The following TNS1 variants were observed in gnomAD, a reference collection of about 807,000 sequenced individuals.
TNS1 encodes tensin 1, also known as tensin-1.
In TNS1, 62 loss-of-function variants were observed where a neutral mutation model predicts 168.6. That is an observed-to-expected ratio of 0.37 (90% CI 0.30 to 0.45). The LOEUF (loss-of-function observed/expected upper bound fraction) is 0.45. Ranked by LOEUF, TNS1 falls within the 20% of genes least tolerant of loss-of-function variation. The probability of loss-of-function intolerance (pLI) is 1.00; values close to 1 mark genes in which losing one functional copy is unlikely to be tolerated. For synonymous variants in TNS1, 934 were observed against 933.2 expected (o/e 1.00, Z -0.02); for missense variants, 2,240 against 2,339.4 (o/e 0.96, Z 0.88).
At position 217,804,095 on chromosome 2, in the gene TNS1, A is replaced by C. The variant is rs937813692; in HGVS notation, c.*364T>G. 9 of 173,122 alleles carry C rather than the reference A, an allele frequency of 5.2e-5. No individual in the cohort carries two copies. The highest frequency in any genetic ancestry group is 5.1e-4 in the South Asian group (3 of 5,882). 10.7% of individuals were successfully genotyped at this position (173,122 alleles called of 1,614,324 possible). A position where few individuals can be genotyped will look rare whatever the true frequency, so the allele number is the denominator to read the frequency against. ...GGAGACAGAGCTTTTCCATTCCCCC[A>C]AAAAATGTGGATTCCCAAGGAGGTT... is the stretch of plus-strand genomic sequence containing the variant. On this transcript the variant is annotated 3_prime_UTR_variant, in exon 33 of 33. Transcript: ENST00000682258.
chr2:217,897,652 A>G, intron 8 of TNS1, 146 bp downstream of exon 8: 3 of 845,428 alleles, frequency 3.5e-6, no homozygotes, highest in Non-Finnish European at 5.4e-6. Flanking sequence ...CAGGCACGAG[A>G]GCTGCCTGAG....
rs34831382 is a variant in TNS1, at chr2:217,808,059, A to G, written c.5375+16T>C. On this transcript the variant is annotated intron_variant, in intron 32 of 32. Coordinates refer to ENST00000682258, the MANE Select transcript of TNS1 (RefSeq NM_001387777.1). ...AAAGGCCAGCCTGCTGGGCAGGGGT[A>G]AGAAGTCACACTTACTTAGCAGGGG... 0.088 allele frequency: 141,989 copies of G among 1,612,850 alleles called. 7,094 individuals carry two copies. The highest frequency in any genetic ancestry group is 0.16 in the Middle Eastern group (877 of 5,438).
intron 1 of TNS1, among the ~76,000 whole-genome samples, chr2:217,998,315 C>T (rs1958506247): frequency 6.6e-6 from 1 of 152,054 alleles, no homozygotes. Flanking sequence ...ATGCAGGCTG[C>T]CCACATTTCT....
intron 20 of TNS1, 73 bp downstream of exon 20, chr2:217,835,941 AC>A: frequency 7.4e-7 from 1 of 1,342,396 alleles, no homozygotes; most frequent in Non-Finnish European, 1.0e-6. Flanking sequence ...TGCCAAGTTG[AC>A]CATCAGGTTT....
upstream of TNS1, among the ~76,000 whole-genome samples, chr2:218,006,277 C>G (rs892965985): frequency 6.6e-6 from 1 of 152,206 alleles, no homozygotes; most frequent in African/African-American, 2.4e-5. Context: ...AGAGCCTGAG[C>G]CTGGCAGGCC....
intron 21 of TNS1, among the ~76,000 whole-genome samples, chr2:217,831,939 C>A (rs1944480842): frequency 7.9e-6 from 1 of 126,520 alleles, no homozygotes; most frequent in Admixed American, 7.8e-5. Context: ...CCTACCCTCA[C>A]CCAACACACA....
chr2:217,836,382 C>T (rs748226191), intron 19 of TNS1, among the ~76,000 whole-genome samples, 171 bp from the exon 20 acceptor site: 2 of 152,196 alleles, frequency 1.3e-5, no homozygotes, highest in Non-Finnish European at 2.9e-5. Context: ...ACTCTGTTCA[C>T]ACCCCAGGTT....
chr2:217,885,731 G>C lies in TNS1; in HGVS notation c.1116+13C>G. 2 of 1,501,498 alleles carry C rather than the reference G, an allele frequency of 1.3e-6. No individual in the cohort carries two copies. The highest frequency in any genetic ancestry group is 1.8e-6 in the Non-Finnish European group (2 of 1,139,084). The allele number at this position is 1,501,498 out of a possible 1,614,324, so 93.0% of individuals were successfully genotyped here. On this transcript the variant is annotated intron_variant, in intron 15 of 32. Transcript: ENST00000682258. ...AAACAAGGATGGGGCTTGACACAGA[G>C]GACAGCACTCACCAAGATGTCTCCC...
At chr2:217,922,868 G>A (rs553072434) in intron 3 of TNS1, among the ~76,000 whole-genome samples, 6 of 152,222 alleles carry the variant, frequency 3.9e-5, no homozygotes, top group South Asian at 2.1e-4. Context: ...GCCCACAGCC[G>A]TGCATTCCAG....
At chr2:217,819,967 G>T (rs1942558301) in intron 23 of TNS1, among the ~76,000 whole-genome samples, 1 of 152,194 alleles carries the variant, frequency 6.6e-6, no homozygotes, top group African/African-American at 2.4e-5. Context: ...ATGAGGTTTT[G>T]GTTGGGGGTG....
chr2:217,957,107 G>C (rs1294632988), intron 3 of TNS1, among the ~76,000 whole-genome samples: 1 of 152,228 alleles, frequency 6.6e-6, no homozygotes, highest in Non-Finnish European at 1.5e-5. Flanking sequence ...GGAAGACGGG[G>C]TGTGTTCCCA....
At chr2:218,000,085 T>C (rs1381564723) in intron 1 of TNS1, among the ~76,000 whole-genome samples, 2 of 152,208 alleles carry the variant, frequency 1.3e-5, no homozygotes, top group Non-Finnish European at 2.9e-5. Flanking sequence ...CATGCAATTA[T>C]TTTCTAAATA....
At chr2:217,927,924 C>T (rs1281625031) in intron 3 of TNS1, among the ~76,000 whole-genome samples, 1 of 152,212 alleles carries the variant, frequency 6.6e-6, no homozygotes, top group East Asian at 1.9e-4. Flanking sequence ...TCCCAGAAGG[C>T]CCCAGTCTCC....
chr2:217,813,096 T>C lies in TNS1; in HGVS notation c.4954+119A>G, dbSNP rs1941263645. 6 of 704,680 alleles carry C rather than the reference T, an allele frequency of 8.5e-6. No individual in the cohort carries two copies. The highest frequency in any genetic ancestry group is 1.5e-5 in the Non-Finnish European group (6 of 399,716). The allele number at this position is 704,680 out of a possible 1,614,324, so 43.7% of individuals were successfully genotyped here. On this transcript the variant is annotated intron_variant, in intron 27 of 32. Transcript: ENST00000682258. The surrounding 1 kb of genome is among the most constrained non-coding windows in gnomAD (Gnocchi z 4.0). ...TCATTCATTTTCTCTGCTGAATTTA[T>C]GACAAGGGTGACTGGCAGAGCCTGT...
At chr2:217,931,828 G>T (rs765929579) in intron 3 of TNS1, among the ~76,000 whole-genome samples, 11 of 152,168 alleles carry the variant, frequency 7.2e-5, no homozygotes, top group Non-Finnish European at 1.6e-4. Flanking sequence ...TTTAATAAAA[G>T]ACATCTCAGA....
chr2:217,897,458 G>A (rs1175820537), intron 8 of TNS1, among the ~76,000 whole-genome samples: 1 of 152,216 alleles, frequency 6.6e-6, no homozygotes, highest in East Asian at 1.9e-4. Flanking sequence ...TGCTGCAAAG[G>A]TTAAGTGCGT....
At chr2:217,849,146 G>A in intron 18 of TNS1, 59 bp from the exon 19 acceptor site, 1 of 1,549,042 alleles carries the variant, frequency 6.5e-7, no homozygotes, top group Non-Finnish European at 8.7e-7. Flanking sequence ...GGGAGGCAGG[G>A]GTATCATCCA....
upstream of TNS1, among the ~76,000 whole-genome samples, chr2:218,004,480 C>A (rs1958636289): frequency 6.6e-6 from 1 of 152,174 alleles, no homozygotes; most frequent in Admixed American, 6.5e-5. Context: ...TGTGCCAACT[C>A]CCAGCCCAGG....
At chr2:217,875,028 G>A (rs1469134862) in intron 18 of TNS1, among the ~76,000 whole-genome samples, 1 of 152,194 alleles carries the variant, frequency 6.6e-6, no homozygotes, top group African/African-American at 2.4e-5. Flanking sequence ...CTAGGCATGG[G>A]TGTTTGGCTT....
Sources: gnomAD v4.1 joint callset for allele counts (sites outside exome capture counted in the v4.1 genomes callset) on GRCh38, gnomAD v4.1.1 for gene constraint, Gnocchi (gnomAD v3.1) non-coding constraint, MANE v1.5 for transcripts, NCBI Gene and HGNC (gene_info 2026-07-23, HGNC 2026-07-21) for gene names.